TMEM231: variants seen among roughly 807,000 people sequenced by gnomAD.
The protein encoded by TMEM231 is transmembrane protein 231.
Under a neutral mutation model 38.5 loss-of-function variants are expected in TMEM231, and 40 were observed. The ratio of observed to expected loss-of-function variants is 1.04; its 90% CI spans 0.81 to 1.35. The LOEUF (loss-of-function observed/expected upper bound fraction) is 1.35, where lower values mean the gene tolerates loss of function less well. TMEM231 is among the 40% of genes most tolerant of loss of function. The probability of loss-of-function intolerance (pLI) is 0.00; values close to 1 mark genes in which losing one functional copy is unlikely to be tolerated. For missense variants in TMEM231, 420 were observed against 416.9 expected, an observed-to-expected ratio of 1.01 and a Z score of -0.07; for synonymous variants, 199 against 181.7, an observed-to-expected ratio of 1.10 and a Z score of -0.77.
chr16:75,546,026 A>C lies in TMEM231; in HGVS notation c.310-72T>G, dbSNP rs8055668. The stretch of plus-strand genomic sequence containing the variant: ...GGGAGGAATCCACATCACTTCTGTA[A>C]ATACACAATGACCCACTGTCTTGCT... On this transcript the variant is annotated intron_variant, in intron 2 of 6. Coordinates refer to ENST00000258173, the MANE Select transcript of TMEM231 (RefSeq NM_001077418.3). The C allele has an allele frequency of 0.25, 392,204 of 1,558,922 alleles. 50,778 individuals are homozygous for C. Among genetic ancestry groups the C allele is most frequent in the African/African-American group, 0.28 (20,721 of 73,470 alleles).
rs1008261817 is a variant in TMEM231 at position 75,537,783 on chromosome 16, C to G, written c.*2211G>C. On this transcript the variant is annotated 3_prime_UTR_variant, in exon 7 of 7. Transcript: ENST00000258173. The stretch of plus-strand genomic sequence containing the variant: ...TACAGGCGTGAGCCACCGCTCCCGG[C>G]CTCTTGCTTTTTATTTACCTCTTGC... The G allele has an allele frequency of 5.3e-5, 8 of 152,228 alleles. No homozygotes were observed. The highest frequency in any genetic ancestry group is 1.9e-4 in the African/African-American group (8 of 41,452). The allele number at this position is 152,228 out of a possible 1,614,324, so 9.4% of individuals were successfully genotyped here.
At chr16:75,544,001 G>C (rs1383649666) in intron 4 of TMEM231, among the ~76,000 whole-genome samples, 1 of 152,242 alleles carries the variant, frequency 6.6e-6, no homozygotes, top group Non-Finnish European at 1.5e-5. Flanking sequence ...TGAGGAATGA[G>C]TGATTAGATG....
chr16:75,547,872 C>A lies in TMEM231; in HGVS notation c.310-1918G>T, dbSNP rs1265171669. ...TGGGTAGAAAATCTTATGTAACTCT[C>A]TGTGATGGATCCACACCTTCTAGAT... is the stretch of plus-strand genomic sequence containing the variant. On this transcript the variant is annotated intron_variant, in intron 2 of 6. Coordinates refer to ENST00000258173, the MANE Select transcript of TMEM231 (RefSeq NM_001077418.3). 2.6e-5 allele frequency among the ~76,000 whole-genome samples: 4 copies of A among 152,236 alleles called. No homozygotes were observed. The East Asian group carries it at 7.7e-4, about 29-fold the overall frequency.
At chr16:75,547,532 T>C (rs539278792) in intron 2 of TMEM231, among the ~76,000 whole-genome samples, 14 of 151,974 alleles carry the variant, frequency 9.2e-5, no homozygotes, top group Non-Finnish European at 1.9e-4. Context: ...TCATTATAGG[T>C]AGGATGAAAA....
intron 2 of TMEM231, 151 bp from the exon 3 acceptor site, chr16:75,546,105 G>GTGCATTAAT (rs2080687522): frequency 1.3e-6 from 2 of 1,541,372 alleles, no homozygotes; most frequent in Non-Finnish European, 1.8e-6. Context: ...ATAGATGTAA[G>GTGCATTAAT]TGCATTAATA....
intron 2 of TMEM231, among the ~76,000 whole-genome samples, chr16:75,552,946 C>G (rs1263744091): frequency 6.6e-6 from 1 of 152,220 alleles, no homozygotes; most frequent in Non-Finnish European, 1.5e-5. Context: ...CTATGTCAGC[C>G]TCCTTGAGGC....
In TMEM231 at chr16:75,544,949, C is replaced by CTTCTT. The variant is rs2080666559; in HGVS notation, c.582+402_582+403insAAGAA. ...ATATTTCTACTTTTCTTTTCTTTTTCTTTTTTTTTTTTTTTTTTTTTTTTG... is the reference window on the plus strand; with the variant it reads ...ATATTTCTACTTTTCTTTTCTTTTTCTTCTTTTTTTTTTTTTTTTTTTTTTTTTTG... On this transcript the variant is annotated intron_variant, in intron 4 of 6. Transcript: ENST00000258173. Among the ~76,000 whole-genome samples, 355 of 89,594 alleles carry CTTCTT rather than the reference C, an allele frequency of 4.0e-3. 1 individual carries two copies. Among genetic ancestry groups the CTTCTT allele is most frequent in the African/African-American group, 8.7e-3 (231 of 26,576 alleles). 58.8% of individuals were successfully genotyped at this position (89,594 alleles called of 152,430 possible).
At chr16:75,546,323 T>C (rs1313543551) in intron 2 of TMEM231, among the ~76,000 whole-genome samples, 1 of 152,248 alleles carries the variant, frequency 6.6e-6, no homozygotes, top group African/African-American at 2.4e-5. Context: ...TTAAGTAGCA[T>C]GTCAGAATAG....
rs1480415811 is a variant in TMEM231, at chr16:75,538,548, T to G, written c.*1446A>C. On this transcript the variant is annotated 3_prime_UTR_variant, in exon 7 of 7. Transcript: ENST00000258173. ...AGACAAGGGGGTCAGTGTTAGGGAA[T>G]TCCTCTGCTTGAATACTTCAAAATA... 6.6e-6 allele frequency: 1 copy of G among 152,128 alleles called. No individual in the cohort carries two copies. The highest frequency in any genetic ancestry group is 1.5e-5 in the Non-Finnish European group (1 of 68,038). 9.4% of individuals were successfully genotyped at this position (152,128 alleles called of 1,614,324 possible).
At chr16:75,546,061 A>T in intron 2 of TMEM231, 107 bp from the exon 3 acceptor site, 1 of 1,552,234 alleles carries the variant, frequency 6.4e-7, no homozygotes, top group Non-Finnish European at 8.7e-7. Context: ...TGTACACAAC[A>T]GGCATTATCT....
rs1392030855 is a variant in TMEM231, at chr16:75,539,989, C to T, written c.*5G>A. ...GGTCCTGCTGAGTCTTCAGAAATGG[C>T]CTTTCTAGGATAAGTGCTCCTTACA... On this transcript the variant is annotated 3_prime_UTR_variant, in exon 7 of 7. Coordinates refer to ENST00000258173, the MANE Select transcript of TMEM231 (RefSeq NM_001077418.3). 4.4e-6 allele frequency: 7 copies of T among 1,606,106 alleles called. No individual in the cohort carries two copies. The highest frequency in any genetic ancestry group is 6.0e-6 in the Non-Finnish European group (7 of 1,176,442).
intron 2 of TMEM231, among the ~76,000 whole-genome samples, chr16:75,546,855 T>C (rs561283278): frequency 3.2e-4 from 49 of 152,308 alleles, no homozygotes; most frequent in African/African-American, 1.2e-3. Flanking sequence ...GTGCATCTTT[T>C]AGTAGCAATC....
chr16:75,544,815 T>C (rs2080663831), intron 4 of TMEM231, among the ~76,000 whole-genome samples: 1 of 152,134 alleles, frequency 6.6e-6, no homozygotes, highest in Non-Finnish European at 1.5e-5. Flanking sequence ...ACAGATTTTG[T>C]TTCTCTTCCC....
chr16:75,556,217 G>C lies in TMEM231; in HGVS notation c.-8C>G. 7.1e-7 allele frequency: 1 copy of C among 1,404,230 alleles called. No homozygotes were observed. Among genetic ancestry groups the C allele is most frequent in the Non-Finnish European group, 9.2e-7 (1 of 1,084,724 alleles). 87.0% of individuals were successfully genotyped at this position (1,404,230 alleles called of 1,614,324 possible). ...GAGCTCATAGAGCGCCATGAGCACC[G>C]CTCGCAGGCACTCCGCGAGCCGGGG... On this transcript the variant is annotated 5_prime_UTR_variant, in exon 1 of 7. Coordinates refer to ENST00000258173, the MANE Select transcript of TMEM231 (RefSeq NM_001077418.3).
chr16:75,545,098 G>T (rs1339804464), intron 4 of TMEM231, among the ~76,000 whole-genome samples: 1 of 151,574 alleles, frequency 6.6e-6, no homozygotes, highest in Non-Finnish European at 1.5e-5. Flanking sequence ...TAGGATTACA[G>T]GCACGCACCA....
At chr16:75,545,256 G>C in intron 4 of TMEM231, 96 bp downstream of exon 4, 2 of 1,510,632 alleles carry the variant, frequency 1.3e-6, no homozygotes, top group Non-Finnish European at 1.8e-6. Context: ...CACTGCGCCT[G>C]GCCTGACATT....
intron 2 of TMEM231, chr16:75,555,215 AG>A (rs2080797115): frequency 1.3e-5 from 2 of 152,452 alleles, no homozygotes; most frequent in South Asian, 4.1e-4. Flanking sequence ...AATAAATTAC[AG>A]ACAGTAACAT....
chr16:75,553,051 A>G (rs2080778916), intron 2 of TMEM231, among the ~76,000 whole-genome samples: 1 of 152,184 alleles, frequency 6.6e-6, no homozygotes, highest in Non-Finnish European at 1.5e-5. Flanking sequence ...GAGCTTAGAG[A>G]CGCTGTCCAG....
chr16:75,550,768 T>C (rs925704532), intron 2 of TMEM231, among the ~76,000 whole-genome samples: 2 of 149,390 alleles, frequency 1.3e-5, no homozygotes, highest in Admixed American at 6.9e-5. Context: ...CAGGTTGGAG[T>C]ATGGGTGGTG....
Sources: allele counts gnomAD v4.1 joint callset (sites outside exome capture counted in the v4.1 genomes callset), GRCh38; gene constraint gnomAD v4.1.1; transcripts MANE v1.5; gene names NCBI Gene and HGNC (gene_info 2026-07-23, HGNC 2026-07-21).